Variants in CERT1 observed in about 807,000 individuals in gnomAD.
CERT1 encodes the protein ceramide transporter 1, also known as ceramide transfer protein.
Under a neutral mutation model 87.9 loss-of-function variants are expected in CERT1, and 31 were observed. The observed-to-expected ratio is 0.35, with a 90% CI of 0.27 to 0.48. CERT1 has a LOEUF of 0.48. Among genes scored for constraint, CERT1 ranks in the 20% least tolerant of loss-of-function variants. The pLI, the probability that CERT1 is intolerant of heterozygous loss-of-function variation, is 0.99. For missense variants in CERT1, 487 were observed against 758.0 expected, an observed-to-expected ratio of 0.64 and a Z score of 4.20; for synonymous variants, 289 against 250.9, an observed-to-expected ratio of 1.15 and a Z score of -1.44.
intron 5 of CERT1, among the ~76,000 whole-genome samples, chr5:75,420,516 T>C (rs527704874): frequency 1.3e-5 from 2 of 152,174 alleles, no homozygotes; most frequent in South Asian, 4.1e-4. Context: ...GCTAATTTTT[T>C]GTATTTTTAG....
At chr5:75,448,865 C>A (rs531349406) in intron 3 of CERT1, among the ~76,000 whole-genome samples, 1 of 152,046 alleles carries the variant, frequency 6.6e-6, no homozygotes, top group African/African-American at 2.4e-5. Context: ...TCTAGATTAA[C>A]CTTTTTTTAT....
intron 2 of CERT1, among the ~76,000 whole-genome samples, chr5:75,498,981 G>A (rs1358341998): frequency 6.6e-6 from 1 of 152,234 alleles, no homozygotes; most frequent in Non-Finnish European, 1.5e-5. Flanking sequence ...CAAGGTGGTG[G>A]GAGCCCACCT....
intron 3 of CERT1, among the ~76,000 whole-genome samples, chr5:75,431,458 T>C (rs907975134): frequency 2.0e-5 from 3 of 152,210 alleles, no homozygotes; most frequent in Non-Finnish European, 2.9e-5. Context: ...GGAAACACTT[T>C]GGATGAACAA....
At chr5:75,503,477 C>T (rs1767480034) in intron 2 of CERT1, among the ~76,000 whole-genome samples, 1 of 151,960 alleles carries the variant, frequency 6.6e-6, no homozygotes, top group Non-Finnish European at 1.5e-5. Context: ...TTTGTAAACT[C>T]ATCCTGAGTT....
At chr5:75,511,675 C>G, upstream of CERT1, 2 of 1,522,918 alleles carry the variant, frequency 1.3e-6, no homozygotes, top group Non-Finnish European at 1.8e-6. Flanking sequence ...TCCTCCCATT[C>G]TCCCCCACTA....
chr5:75,430,691 A>G (rs1460711350), intron 3 of CERT1, among the ~76,000 whole-genome samples: 1 of 152,146 alleles, frequency 6.6e-6, no homozygotes, highest in Non-Finnish European at 1.5e-5. Flanking sequence ...TTTCAACATA[A>G]CAGAATCACA....
At chr5:75,473,838 T>TAC (rs1765827676) in intron 2 of CERT1, among the ~76,000 whole-genome samples, 1 of 152,206 alleles carries the variant, frequency 6.6e-6, no homozygotes, top group African/African-American at 2.4e-5. Flanking sequence ...GTACAATAAA[T>TAC]ACATGTTACA....
At chr5:75,415,209 A>C (rs1431613447) in intron 7 of CERT1, among the ~76,000 whole-genome samples, 2 of 152,198 alleles carry the variant, frequency 1.3e-5, no homozygotes, top group Non-Finnish European at 2.9e-5. Context: ...TCCATGTAAA[A>C]TGTAACTGGG....
chr5:75,401,383 GT>G (rs1762466099), intron 9 of CERT1: 1 of 152,098 alleles, frequency 6.6e-6, no homozygotes, highest in Admixed American at 6.5e-5. Flanking sequence ...TGTCTCCTTT[GT>G]TTCACAGATT....
chr5:75,454,527 C>A (rs755132533), intron 3 of CERT1, among the ~76,000 whole-genome samples: 1 of 152,154 alleles, frequency 6.6e-6, no homozygotes, highest in African/African-American at 2.4e-5. Flanking sequence ...GCAGAGACAA[C>A]CTGCAACATC....
rs774488100 is a variant in CERT1, at chr5:75,389,594, T to G, written c.1282A>C (p.Lys428Gln). ...WQLVVEEGEMKVYRREVEENG... is the reference protein window; with the variant it reads ...WQLVVEEGEMQVYRREVEENG... ...TATAACATTTCAGGGGGAATTACCT[T>G]CATTTCTCCTTCTTCTACAACCAAC... is the stretch of plus-strand genomic sequence containing the variant. The change falls in exon 12 of 17, where the codon AAG (lysine) becomes CAG (glutamine). Residue 428 changes from lysine (K) to glutamine (Q), a missense_variant and splice_region_variant. Coordinates refer to ENST00000643780, the MANE Select transcript of CERT1 (RefSeq NM_001379029.1). 1 of 1,612,600 alleles carries G rather than the reference T, an allele frequency of 6.2e-7. No individual in the cohort carries two copies. The highest frequency in any genetic ancestry group is 8.5e-7 in the Non-Finnish European group (1 of 1,178,634).
intron 2 of CERT1, among the ~76,000 whole-genome samples, chr5:75,475,936 T>C (rs1765933200): frequency 6.6e-6 from 1 of 152,162 alleles, no homozygotes; most frequent in South Asian, 2.1e-4. Context: ...AATCCACATT[T>C]TGCATGTGCA....
At chr5:75,472,183 G>C (rs1328190805) in intron 2 of CERT1, among the ~76,000 whole-genome samples, 2 of 152,196 alleles carry the variant, frequency 1.3e-5, no homozygotes, top group Non-Finnish European at 2.9e-5. Context: ...GGAAAGGACA[G>C]TCTCTTTAAC....
At chr5:75,368,605 T>TG (rs1301948158) in exon 18 of CERT1, 6 of 152,224 alleles carry the variant, frequency 3.9e-5, no homozygotes, top group African/African-American at 1.4e-4. Flanking sequence ...ATAAAATCCT[T>TG]GGGCTTGTTT....
At chr5:75,452,877 G>A (rs1764820538) in intron 3 of CERT1, among the ~76,000 whole-genome samples, 1 of 152,054 alleles carries the variant, frequency 6.6e-6, no homozygotes, top group African/African-American at 2.4e-5. Context: ...AAAATCATAA[G>A]GAGAAATGCA....
intron 11 of CERT1, among the ~76,000 whole-genome samples, chr5:75,393,602 T>TAAAAAAAAAAAAAAGAAAAAAAAAAA (rs1762115184): frequency 3.1e-5 from 1 of 32,770 alleles, no homozygotes; most frequent in Non-Finnish European, 5.8e-5. Flanking sequence ...CTCATCTACT[T>TAAAAAAAAAAAAAAGAAAAAAAAAAA]AAAAAAAAAA....
chr5:75,485,416 T>G (rs1766477545), intron 2 of CERT1, among the ~76,000 whole-genome samples: 1 of 150,736 alleles, frequency 6.6e-6, no homozygotes, highest in South Asian at 2.1e-4. Context: ...AATAAGCACT[T>G]AGATAAAAAA....
At chr5:75,488,509 T>C (rs1053041927) in intron 2 of CERT1, among the ~76,000 whole-genome samples, 4 of 152,148 alleles carry the variant, frequency 2.6e-5, no homozygotes, top group Non-Finnish European at 5.9e-5. Context: ...ATACTTCATA[T>C]AGTATTGCTA....
chr5:75,441,002 A>G (rs542343333), intron 3 of CERT1, among the ~76,000 whole-genome samples: 1 of 152,190 alleles, frequency 6.6e-6, no homozygotes, highest in Admixed American at 6.5e-5. Context: ...ACACTCAACT[A>G]TCAGCCTCTA....
Sources: gnomAD v4.1 joint callset for allele counts (sites outside exome capture counted in the v4.1 genomes callset) on GRCh38, gnomAD v4.1.1 for gene constraint, MANE v1.5 for transcripts, NCBI Gene and HGNC (gene_info 2026-07-23, HGNC 2026-07-21) for gene names.